Variants in TMEM233 observed in about 807,000 individuals in gnomAD.
The protein encoded by TMEM233 is dispanin subfamily B member 2.
A neutral mutation model predicts 11.2 loss-of-function variants in TMEM233; 6 were observed. The ratio of observed to expected loss-of-function variants is 0.54; its 90% CI spans 0.29 to 1.06. The LOEUF is 1.06. TMEM233 is among the 50% of genes least tolerant of loss of function. TMEM233 has a pLI of 0.08. For missense variants in TMEM233, 127 were observed against 144.7 expected, an observed-to-expected ratio of 0.88 and a Z score of 0.63; for synonymous variants, 59 against 55.8, an observed-to-expected ratio of 1.06 and a Z score of -0.26.
At chr12:119,631,341 C>A (rs905428567) in intron 2 of TMEM233, 4 of 225,186 alleles carry the variant, frequency 1.8e-5, no homozygotes, top group African/African-American at 9.3e-5. Context: ...GCCAACCCAA[C>A]CTTGGCAACC....
intron 1 of TMEM233, among the ~76,000 whole-genome samples, chr12:119,610,334 G>C (rs1954368993): frequency 6.6e-6 from 1 of 152,152 alleles, no homozygotes; most frequent in Non-Finnish European, 1.5e-5. Flanking sequence ...TCTTCAATGA[G>C]ACTTTGGATC....
At chr12:119,615,151 T>C (rs1954495047) in intron 1 of TMEM233, among the ~76,000 whole-genome samples, 1 of 108,638 alleles carries the variant, frequency 9.2e-6, no homozygotes, top group Non-Finnish European at 1.7e-5. Flanking sequence ...AACCCTCAGG[T>C]CTCAGTCTAC....
intron 1 of TMEM233, among the ~76,000 whole-genome samples, chr12:119,615,861 G>T (rs1449658192): frequency 6.6e-6 from 1 of 152,114 alleles, no homozygotes; most frequent in Non-Finnish European, 1.5e-5. Context: ...GGTTACTCTG[G>T]ACTCTTTTTC....
At chr12:119,644,358 G>T (rs889918595), downstream of TMEM233, among the ~76,000 whole-genome samples, 3 of 151,930 alleles carry the variant, frequency 2.0e-5, no homozygotes, top group African/African-American at 7.3e-5. Flanking sequence ...AGAGAGATTT[G>T]CTAGGCAAAA....
chr12:119,636,588 G>C (rs996889406), intron 2 of TMEM233, among the ~76,000 whole-genome samples: 1 of 152,092 alleles, frequency 6.6e-6, no homozygotes, highest in Admixed American at 6.6e-5. Flanking sequence ...GAGTTAGCTG[G>C]GATTACAGGG....
chr12:119,600,460 C>A (rs1954141052), intron 1 of TMEM233, among the ~76,000 whole-genome samples: 1 of 149,956 alleles, frequency 6.7e-6, no homozygotes, highest in African/African-American at 2.5e-5. Context: ...AGAAAGATTG[C>A]AAGTTAATGT....
At position 119,597,455 on chromosome 12, in the gene TMEM233, A is replaced by C. The variant is rs1001696651; in HGVS notation, c.186+3421A>C. On this transcript the variant is annotated intron_variant, in intron 1 of 2. Coordinates refer to ENST00000426426, the MANE Select transcript of TMEM233 (RefSeq NM_001136534.3). ...CATACTGACAAGGCTCAAAATAATT[A>C]GTTTCCAGAATGGTAAAAAAAAAAA... Among the ~76,000 whole-genome samples, 3 of 145,022 alleles carry C rather than the reference A, an allele frequency of 2.1e-5. No individual in the cohort carries two copies. In the Admixed American group the frequency reaches 2.2e-4, roughly 11 times the overall value.
At chr12:119,629,693 G>T (rs762234288) in intron 1 of TMEM233, 43 bp from the exon 2 acceptor site, 1 of 1,524,450 alleles carries the variant, frequency 6.6e-7, no homozygotes, top group South Asian at 1.3e-5. Flanking sequence ...CCCTTTCCCT[G>T]TGGGTTATCT....
chr12:119,594,035 G>A lies in TMEM233; in HGVS notation c.186+1G>A, dbSNP rs1446237915. 6.4e-7 allele frequency: 1 copy of A among 1,551,516 alleles called. No homozygotes were observed. Among genetic ancestry groups the A allele is most frequent in the Admixed American group, 2.0e-5 (1 of 50,990 alleles). ...CGTGGCTTTGGTCTTTTCCATCATG[G>A]TGAGTGAATCACGGCCAGAGGCAGC... On this transcript the variant is annotated splice_donor_variant, in intron 1 of 2. Coordinates refer to ENST00000426426, the MANE Select transcript of TMEM233 (RefSeq NM_001136534.3). LOFTEE classifies it high-confidence loss of function. This position sits in a 1 kb window ranked among gnomAD's most constrained non-coding sequence, Gnocchi z 5.6.
At chr12:119,640,090 A>G (rs1021194747) in intron 2 of TMEM233, among the ~76,000 whole-genome samples, 1 of 152,176 alleles carries the variant, frequency 6.6e-6, no homozygotes, top group Non-Finnish European at 1.5e-5. Context: ...ATCCTTGGGG[A>G]GGAGAGTGAG....
chr12:119,604,397 G>A (rs1183817724), intron 1 of TMEM233, among the ~76,000 whole-genome samples: 1 of 152,120 alleles, frequency 6.6e-6, no homozygotes, highest in Non-Finnish European at 1.5e-5. Context: ...ATATAGTATG[G>A]GGCATTTACT....
At chr12:119,649,776 A>G in the TMEM233 span, among the ~76,000 whole-genome samples, 1 of 145,956 alleles carries the variant, frequency 6.9e-6, no homozygotes, top group South Asian at 2.3e-4. Context: ...ACACTGGCTC[A>G]GCGGGGCTTG....
chr12:119,624,959 AC>A (rs1954720857), intron 1 of TMEM233, among the ~76,000 whole-genome samples: 1 of 151,968 alleles, frequency 6.6e-6, no homozygotes, highest in Admixed American at 6.6e-5. Context: ...TTTTTTTACT[AC>A]CCAGGTGGTT....
At chr12:119,607,440 A>G (rs1258760922) in intron 1 of TMEM233, among the ~76,000 whole-genome samples, 1 of 152,154 alleles carries the variant, frequency 6.6e-6, no homozygotes. Context: ...AAAGTTCTTG[A>G]CAAATCTTGC....
At chr12:119,636,617 C>T (rs988579023) in intron 2 of TMEM233, among the ~76,000 whole-genome samples, 18 of 152,178 alleles carry the variant, frequency 1.2e-4, no homozygotes, top group African/African-American at 4.3e-4. Context: ...CCACACCCAG[C>T]TCTTTTCATC....
intron 1 of TMEM233, among the ~76,000 whole-genome samples, chr12:119,609,828 C>T (rs566170670): frequency 6.6e-6 from 1 of 152,328 alleles, no homozygotes; most frequent in East Asian, 1.9e-4. Flanking sequence ...GTGAAGTCCT[C>T]ATGAAGAACC....
chr12:119,605,395 C>T (rs1047107099), intron 1 of TMEM233, among the ~76,000 whole-genome samples: 2 of 143,272 alleles, frequency 1.4e-5, no homozygotes, highest in Non-Finnish European at 3.0e-5. Flanking sequence ...TATAATCAGA[C>T]AGCTATGCCT....
chr12:119,637,966 C>G (rs184712473), intron 2 of TMEM233, among the ~76,000 whole-genome samples: 95 of 152,276 alleles, frequency 6.2e-4, no homozygotes, highest in Non-Finnish European at 1.1e-3. Flanking sequence ...AAATTTGACA[C>G]TATACTGGTG....
At chr12:119,600,887 G>A (rs1256983254) in intron 1 of TMEM233, among the ~76,000 whole-genome samples, 1 of 151,246 alleles carries the variant, frequency 6.6e-6, no homozygotes, top group Non-Finnish European at 1.5e-5. Context: ...ACAACAGTGT[G>A]AATGTATTTA....
Sources: allele counts gnomAD v4.1 joint callset (sites outside exome capture counted in the v4.1 genomes callset), GRCh38; gene constraint gnomAD v4.1.1; non-coding constraint Gnocchi (gnomAD v3.1); transcripts MANE v1.5; gene names NCBI Gene and HGNC (gene_info 2026-07-23, HGNC 2026-07-21).